Variants in DLG2 observed in about 807,000 individuals in gnomAD.
DLG2 encodes disks large homolog 2.
In DLG2, 45 loss-of-function variants were observed where a neutral mutation model predicts 132.5. That is an observed-to-expected ratio of 0.34 (90% CI 0.27 to 0.44). The LOEUF is 0.44. Among genes scored for constraint, DLG2 ranks in the 20% least tolerant of loss-of-function variants. The probability of loss-of-function intolerance (pLI) is 1.00; values close to 1 mark genes in which losing one functional copy is unlikely to be tolerated. For missense variants in DLG2, 1,045 were observed against 1,196.9 expected (o/e 0.87, Z 1.87); for synonymous variants, 424 against 419.6 (o/e 1.01, Z -0.13).
At chr11:84,121,142 G>C (rs1187004414) in intron 9 of DLG2, among the ~76,000 whole-genome samples, 1 of 152,172 alleles carries the variant, frequency 6.6e-6, no homozygotes, top group South Asian at 2.1e-4. Flanking sequence ...AACAGGCACA[G>C]TCCTCACTTT....
In DLG2 at chr11:83,459,765, T is replaced by C; in HGVS notation, c.*53A>G. 4.2e-6 allele frequency: 4 copies of C among 942,420 alleles called. No individual in the cohort carries two copies. The highest frequency in any genetic ancestry group is 5.2e-6 in the Non-Finnish European group (3 of 574,464). 58.4% of individuals were successfully genotyped at this position (942,420 alleles called of 1,614,324 possible). On this transcript the variant is annotated 3_prime_UTR_variant, in exon 28 of 28. Coordinates refer to ENST00000376104, the MANE Select transcript of DLG2 (RefSeq NM_001142699.3). ...AAGCCTCCAAGTAGTATGTTATATA[T>C]ATTTTGTTCTTCTAAATGCTCTTCT...
intron 16 of DLG2, among the ~76,000 whole-genome samples, chr11:83,847,950 T>C (rs1017631453): frequency 6.6e-6 from 1 of 152,168 alleles, no homozygotes; most frequent in Non-Finnish European, 1.5e-5. Context: ...CCCAATATCG[T>C]AGCTACCAGT....
intron 16 of DLG2, among the ~76,000 whole-genome samples, chr11:83,850,160 G>T (rs565895579): frequency 0.062 from 7,735 of 124,298 alleles, 612 homozygotes; most frequent in African/African-American, 0.23. Flanking sequence ...GTGTGTGTGT[G>T]TTTTTTTACT....
At chr11:85,456,320 G>A (rs2092421043) in intron 3 of DLG2, among the ~76,000 whole-genome samples, 1 of 151,978 alleles carries the variant, frequency 6.6e-6, no homozygotes, top group Non-Finnish European at 1.5e-5. Flanking sequence ...TGTCCCCTTT[G>A]TCATTTCTGA....
intron 7 of DLG2, among the ~76,000 whole-genome samples, chr11:84,442,049 T>C (rs906807179): frequency 6.6e-6 from 1 of 152,186 alleles, no homozygotes; most frequent in African/African-American, 2.4e-5. Flanking sequence ...AATCAGGTAA[T>C]GTGATGCCTC....
chr11:84,376,892 T>C (rs1357792655), intron 7 of DLG2, among the ~76,000 whole-genome samples: 2 of 151,952 alleles, frequency 1.3e-5, no homozygotes. Context: ...TAAATGTAGA[T>C]TAATGACAGA....
chr11:84,024,135 G>T (rs1475498785), intron 11 of DLG2, among the ~76,000 whole-genome samples: 2 of 152,016 alleles, frequency 1.3e-5, no homozygotes, highest in Admixed American at 6.6e-5. Context: ...ATTGTTTAAG[G>T]GTCAACAATA....
intron 7 of DLG2, among the ~76,000 whole-genome samples, chr11:84,491,089 A>G (rs1356810798): frequency 1.3e-5 from 2 of 152,012 alleles, no homozygotes; most frequent in African/African-American, 2.4e-5. Flanking sequence ...CATAAAATCT[A>G]AATAATAGGA....
intron 6 of DLG2, among the ~76,000 whole-genome samples, chr11:85,008,260 A>G (rs1259577495): frequency 2.0e-5 from 3 of 152,174 alleles, no homozygotes; most frequent in Non-Finnish European, 4.4e-5. Flanking sequence ...TGCTTCCACC[A>G]CTAGAAGCAT....
At chr11:84,573,447 A>C (rs940808020) in intron 6 of DLG2, among the ~76,000 whole-genome samples, 2 of 152,190 alleles carry the variant, frequency 1.3e-5, no homozygotes, top group African/African-American at 4.8e-5. Flanking sequence ...ATCACTGTAT[A>C]CATCAATATT....
chr11:84,502,204 TTCCTTCCTTCCTTCCTTCC>T (rs2099211382), intron 7 of DLG2, among the ~76,000 whole-genome samples: 1 of 5,276 alleles, frequency 1.9e-4, no homozygotes, highest in Admixed American at 1.5e-3. Flanking sequence ...CTCTCTCTCC[TTCCTTCCTTCCTTCCTTCC>T]TTCCTTCCTT....
At position 83,566,565 on chromosome 11, in the gene DLG2, T is replaced by C. The variant is rs560730164; in HGVS notation, c.1941-24707A>G. Among the ~76,000 whole-genome samples the C allele has an allele frequency of 3.3e-5, 5 of 152,224 alleles. No homozygotes were observed. The East Asian group carries it at 9.7e-4, about 29-fold the overall frequency. ...ACCTCATAGAGTTCCTGTAAAGATT[T>C]AAATACACCTACCACACATTTATAT... On this transcript the variant is annotated intron_variant, in intron 19 of 27. Transcript: ENST00000376104.
At chr11:85,541,396 A>G (rs2075961779) in intron 3 of DLG2, among the ~76,000 whole-genome samples, 1 of 151,866 alleles carries the variant, frequency 6.6e-6, no homozygotes, top group African/African-American at 2.4e-5. Flanking sequence ...AGTCCAATTT[A>G]CTAACTTTAC....
At chr11:84,211,427 G>A (rs1331535202) in intron 8 of DLG2, among the ~76,000 whole-genome samples, 1 of 152,114 alleles carries the variant, frequency 6.6e-6, no homozygotes, top group Non-Finnish European at 1.5e-5. Flanking sequence ...TTATTTAAGA[G>A]AGAGATTGGG....
chr11:84,800,164 C>G (rs1043078344), intron 6 of DLG2, among the ~76,000 whole-genome samples: 6 of 152,110 alleles, frequency 3.9e-5, no homozygotes, highest in Admixed American at 1.3e-4. Flanking sequence ...AGACCCAATA[C>G]ACAGCAACAT....
intron 9 of DLG2, among the ~76,000 whole-genome samples, chr11:84,116,580 T>A (rs975328525): frequency 3.3e-5 from 5 of 152,112 alleles, no homozygotes; most frequent in African/African-American, 1.2e-4. Flanking sequence ...GAGAACGACA[T>A]GGGAGAAACC....
At chr11:85,244,953 T>C (rs1342521025) in intron 4 of DLG2, among the ~76,000 whole-genome samples, 2 of 151,988 alleles carry the variant, frequency 1.3e-5, no homozygotes, top group African/African-American at 4.8e-5. Context: ...TCATTTCTGC[T>C]GTTTATCCTA....
intron 7 of DLG2, among the ~76,000 whole-genome samples, chr11:84,252,140 C>CTTT (rs1176873990): frequency 0.015 from 986 of 65,240 alleles, 2 homozygotes; most frequent in African/African-American, 0.017. Flanking sequence ...TTCTTTCTTT[C>CTTT]TTTTTTTTTT....
chr11:83,747,166 G>A lies in DLG2; in HGVS notation c.1825+39524C>T, dbSNP rs193135037. ...AAGTATATCAAACTCAAAATTACCT[G>A]CAGCCAGTATCATACTTCATGTGGA... On this transcript the variant is annotated intron_variant, in intron 18 of 27. Transcript: ENST00000376104. Among the ~76,000 whole-genome samples, 8 of 152,244 alleles carry A rather than the reference G, an allele frequency of 5.3e-5. No homozygotes were observed. The East Asian group carries it at 1.5e-3, about 29-fold the overall frequency.
Sources: gnomAD v4.1 joint callset for allele counts (sites outside exome capture counted in the v4.1 genomes callset) on GRCh38, gnomAD v4.1.1 for gene constraint, MANE v1.5 for transcripts, NCBI Gene and HGNC (gene_info 2026-07-23, HGNC 2026-07-21) for gene names.